RBFOX1: variants seen among roughly 807,000 people sequenced by gnomAD.
RBFOX1 encodes RNA binding fox-1 homolog 1, also known as RNA binding protein fox-1 homolog 1.
RBFOX1 carries 8 observed loss-of-function variants against 57.7 expected under a neutral mutation model. The ratio of observed to expected loss-of-function variants is 0.14; its 90% CI spans 0.08 to 0.25. RBFOX1 has a LOEUF of 0.25. RBFOX1 is among the 10% of genes least tolerant of loss of function. RBFOX1 has a pLI of 1.00. For missense variants in RBFOX1, 611 were observed against 548.5 expected, an observed-to-expected ratio of 1.11 and a Z score of -1.14; for synonymous variants, 326 against 222.4, an observed-to-expected ratio of 1.47 and a Z score of -4.15.
chr16:6,495,630 T>C (rs1481640858), intron 2 of RBFOX1, among the ~76,000 whole-genome samples: 2 of 152,242 alleles, frequency 1.3e-5, no homozygotes, highest in Non-Finnish European at 2.9e-5. Flanking sequence ...GCCTTAAAGC[T>C]TGCTTTATTT....
chr16:6,405,882 A>C (rs1255352951), intron 2 of RBFOX1, among the ~76,000 whole-genome samples: 1 of 152,236 alleles, frequency 6.6e-6, no homozygotes, highest in Non-Finnish European at 1.5e-5. Flanking sequence ...ACAAAATGCA[A>C]TGGTTTAACC....
intron 14 of RBFOX1, among the ~76,000 whole-genome samples, chr16:7,687,492 G>T (rs528959140): frequency 7.9e-5 from 12 of 152,120 alleles, no homozygotes; most frequent in African/African-American, 2.9e-4. Context: ...AGGGCTGAAT[G>T]ATGTGAGTCA....
At chr16:5,720,697 C>G (rs1168005097) in intron 3 of RBFOX1, among the ~76,000 whole-genome samples, 3 of 152,130 alleles carry the variant, frequency 2.0e-5, no homozygotes, top group Non-Finnish European at 2.9e-5. Context: ...TTCTCTTGCC[C>G]TTGAATGCCC....
chr16:5,260,518 G>C (rs569432709), intron 1 of RBFOX1, among the ~76,000 whole-genome samples: 2 of 152,316 alleles, frequency 1.3e-5, no homozygotes, highest in South Asian at 4.1e-4. Context: ...GATAAATGTA[G>C]TTTTTTCTTA....
intron 3 of RBFOX1, among the ~76,000 whole-genome samples, chr16:6,985,306 G>C (rs1481857628): frequency 6.6e-6 from 1 of 152,034 alleles, no homozygotes; most frequent in African/African-American, 2.4e-5. Context: ...AATTAATTTT[G>C]AAATATTAAT....
intron 2 of RBFOX1, among the ~76,000 whole-genome samples, chr16:6,564,266 T>G (rs1409184397): frequency 6.6e-6 from 1 of 152,176 alleles, no homozygotes; most frequent in Non-Finnish European, 1.5e-5. Context: ...TGGAACATGC[T>G]CTATGGTTTT....
At chr16:5,249,292 C>T (rs1188069905) in intron 1 of RBFOX1, among the ~76,000 whole-genome samples, 1 of 152,158 alleles carries the variant, frequency 6.6e-6, no homozygotes, top group African/African-American at 2.4e-5. Flanking sequence ...TTCGTGTCCC[C>T]CTTTCCTCCT....
intron 4 of RBFOX1, among the ~76,000 whole-genome samples, chr16:5,971,479 C>A (rs2059961002): frequency 6.6e-6 from 1 of 152,112 alleles, no homozygotes; most frequent in African/African-American, 2.4e-5. Flanking sequence ...AATTATCTAT[C>A]ATTTGGAGTG....
rs150528634 is a variant in RBFOX1 at position 5,966,073 on chromosome 16, C to G, written c.351+98738C>G. 2.9e-3 allele frequency among the ~76,000 whole-genome samples: 434 copies of G among 152,178 alleles called. 4 individuals are homozygous for G. Among genetic ancestry groups the G allele is most frequent in the Non-Finnish European group, 2.4e-3 (162 of 68,014 alleles). ...CTGTGCTTTCTCCAGCCATAAAATT[C>G]CTAACTCTTTTTTCAGATGTACTAT... On this transcript the variant is annotated intron_variant, in intron 4 of 19. Coordinates refer to the RBFOX1 transcript ENST00000641259.
At chr16:6,536,287 C>T (rs1376043648) in intron 2 of RBFOX1, among the ~76,000 whole-genome samples, 2 of 152,158 alleles carry the variant, frequency 1.3e-5, no homozygotes, top group Admixed American at 6.5e-5. Flanking sequence ...TTTCCTGTCT[C>T]CAGCAAATCT....
intron 1 of RBFOX1, among the ~76,000 whole-genome samples, chr16:5,362,908 C>G (rs1429185969): frequency 6.6e-6 from 1 of 151,998 alleles, no homozygotes; most frequent in Non-Finnish European, 1.5e-5. Flanking sequence ...ATGAATATAC[C>G]ATGCTTCCTT....
chr16:6,893,146 T>A (rs905228579), intron 3 of RBFOX1, among the ~76,000 whole-genome samples: 11 of 152,110 alleles, frequency 7.2e-5, no homozygotes, highest in African/African-American at 2.7e-4. Flanking sequence ...GAATTGCCAT[T>A]GAAACAGCTC....
At chr16:5,461,230 A>G (rs2068777783) in intron 1 of RBFOX1, among the ~76,000 whole-genome samples, 1 of 152,226 alleles carries the variant, frequency 6.6e-6, no homozygotes, top group African/African-American at 2.4e-5. Context: ...AGTGGTGCAT[A>G]GAGTGGTAAC....
intron 3 of RBFOX1, among the ~76,000 whole-genome samples, chr16:6,876,222 A>T (rs2061822505): frequency 1.3e-5 from 2 of 152,056 alleles, no homozygotes; most frequent in African/African-American, 4.8e-5. Context: ...AAGCATCAGC[A>T]ACACAATCCA....
At chr16:5,984,584 C>A (rs1465023892) in intron 4 of RBFOX1, among the ~76,000 whole-genome samples, 2 of 152,084 alleles carry the variant, frequency 1.3e-5, no homozygotes, top group Non-Finnish European at 2.9e-5. Flanking sequence ...ATAGTAACTG[C>A]ACATTCTGGT....
chr16:6,051,517 C>G (rs1001509630), intron 1 of RBFOX1, among the ~76,000 whole-genome samples: 1 of 151,950 alleles, frequency 6.6e-6, no homozygotes, highest in Non-Finnish European at 1.5e-5. Flanking sequence ...TTAGTAGAGG[C>G]GGGGTTTCGC....
Position 5,830,209 on chromosome 16 carries a change from C to T in RBFOX1, c.319-37094C>T, listed in dbSNP as rs76922837. Reference sequence around the variant, plus strand: ...GTGTTTTGTTAGAGACCATTTGCCCCGCAGTTGGGCAGAATTAGGAAAACC... The same window carrying T: ...GTGTTTTGTTAGAGACCATTTGCCCTGCAGTTGGGCAGAATTAGGAAAACC... On this transcript the variant is annotated intron_variant, in intron 3 of 19. Coordinates refer to the RBFOX1 transcript ENST00000641259. 7.2e-3 allele frequency among the ~76,000 whole-genome samples: 1,090 copies of T among 152,040 alleles called. 10 individuals carry two copies. The highest frequency in any genetic ancestry group is 0.025 in the African/African-American group (1,044 of 41,484).
chr16:5,641,086 T>C (rs201763879), intron 3 of RBFOX1, among the ~76,000 whole-genome samples: 20 of 143,620 alleles, frequency 1.4e-4, no homozygotes, highest in African/African-American at 4.6e-4. Context: ...CACACACACA[T>C]GCACACCATG....
intron 1 of RBFOX1, among the ~76,000 whole-genome samples, chr16:6,185,173 C>G (rs1010190766): frequency 1.1e-4 from 17 of 152,192 alleles, no homozygotes; most frequent in African/African-American, 4.1e-4. Flanking sequence ...ACCATGTGCA[C>G]AGGCTCTAAT....
Sources: allele counts gnomAD v4.1 joint callset (sites outside exome capture counted in the v4.1 genomes callset), GRCh38; gene constraint gnomAD v4.1.1; transcripts MANE v1.5; gene names NCBI Gene and HGNC (gene_info 2026-07-23, HGNC 2026-07-21).